NXPH2: variants seen among roughly 807,000 people sequenced by gnomAD.
The protein encoded by NXPH2 is neurexophilin-2.
A neutral mutation model predicts 19.8 loss-of-function variants in NXPH2; 5 were observed. That is an observed-to-expected ratio of 0.25 (90% confidence interval 0.13 to 0.53). NXPH2 has a LOEUF of 0.53. Among genes scored for constraint, NXPH2 ranks in the 20% least tolerant of loss-of-function variants. The pLI is 0.96. For synonymous variants in NXPH2, 154 were observed against 127.4 expected (o/e 1.21, Z -1.41); for missense variants, 289 against 322.8 (o/e 0.90, Z 0.80).
chr2:138,695,077 C>T (rs1680809556), intron 1 of NXPH2, among the ~76,000 whole-genome samples: 1 of 152,068 alleles, frequency 6.6e-6, no homozygotes, highest in Non-Finnish European at 1.5e-5. Flanking sequence ...CATTATAATC[C>T]TATAGGACAA....
chr2:138,734,749 T>C (rs1233579278), intron 1 of NXPH2, among the ~76,000 whole-genome samples: 1 of 152,160 alleles, frequency 6.6e-6, no homozygotes. Flanking sequence ...GAAACCAGAA[T>C]GATTCCCAAG....
At chr2:138,730,539 A>G (rs1009017879) in intron 1 of NXPH2, among the ~76,000 whole-genome samples, 1 of 152,134 alleles carries the variant, frequency 6.6e-6, no homozygotes, top group Non-Finnish European at 1.5e-5. Flanking sequence ...CTGCTTGATA[A>G]GAAATATAAC....
In NXPH2 at chr2:138,742,127, T is replaced by G. The variant is rs575016596; in HGVS notation, c.51+38064A>C. 2.6e-5 allele frequency among the ~76,000 whole-genome samples: 4 copies of G among 152,318 alleles called. No individual in the cohort carries two copies. The East Asian group carries it at 7.7e-4, about 29-fold the overall frequency. On this transcript the variant is annotated intron_variant, in intron 1 of 1. Coordinates refer to ENST00000272641, the MANE Select transcript of NXPH2 (RefSeq NM_007226.3). ...ACCAGGGTATTAATCCCAGGAATAA[T>G]GAGTCTTGGGCTCAGATACAGATTG...
chr2:138,776,616 G>GC (rs369688864), intron 1 of NXPH2, among the ~76,000 whole-genome samples: 2 of 140,146 alleles, frequency 1.4e-5, no homozygotes, highest in Non-Finnish European at 3.1e-5. Context: ...ATATAGTGGT[G>GC]TTTTTTTTTT....
At chr2:138,751,421 C>CTTTGT in intron 1 of NXPH2, among the ~76,000 whole-genome samples, 1 of 152,262 alleles carries the variant, frequency 6.6e-6, no homozygotes, top group Admixed American at 6.5e-5. Context: ...TCTCAAATAA[C>CTTTGT]TATGTGCTTT....
intron 1 of NXPH2, among the ~76,000 whole-genome samples, chr2:138,725,727 C>T (rs1036551297): frequency 5.3e-5 from 8 of 152,228 alleles, no homozygotes; most frequent in South Asian, 2.1e-4. Flanking sequence ...CATCTTCTGA[C>T]GGTGAATTAT....
At chr2:138,712,660 T>C (rs950442190) in intron 1 of NXPH2, among the ~76,000 whole-genome samples, 3 of 152,196 alleles carry the variant, frequency 2.0e-5, no homozygotes, top group Non-Finnish European at 4.4e-5. Flanking sequence ...AAGGCAATGC[T>C]TCCTTCCCCT....
rs1680400510 is a variant in NXPH2 at position 138,670,727 on chromosome 2, G to A, written c.*195C>T. ...AAACAGTTTAACTTTTTAGATAAAG[G>A]TACCTACGATAGAAAGAAACAAATT... On this transcript the variant is annotated 3_prime_UTR_variant, in exon 2 of 2. Coordinates refer to ENST00000272641, the MANE Select transcript of NXPH2 (RefSeq NM_007226.3). The A allele has an allele frequency of 2.0e-6, 1 of 511,434 alleles. No homozygotes were observed. Among genetic ancestry groups the A allele is most frequent in the Admixed American group, 3.7e-5 (1 of 26,926 alleles). 31.7% of individuals were successfully genotyped at this position (511,434 alleles called of 1,614,324 possible).
rs186508337 is a variant in NXPH2, at chr2:138,684,688, G to A, written c.52-13023C>T. 1.5e-4 allele frequency among the ~76,000 whole-genome samples: 23 copies of A among 152,270 alleles called. 1 individual carries two copies. Among genetic ancestry groups the A allele is most frequent in the African/African-American group, 5.5e-4 (23 of 41,562 alleles). ...TCCTGTTTCAGCATTTGCCATCCAA[G>A]TCCAGACCAGAAGGAACTGGGACTG... On this transcript the variant is annotated intron_variant, in intron 1 of 1. Transcript: ENST00000272641.
intron 1 of NXPH2, among the ~76,000 whole-genome samples, chr2:138,724,618 G>A (rs1188024907): frequency 2.0e-5 from 3 of 152,210 alleles, no homozygotes; most frequent in Non-Finnish European, 4.4e-5. Context: ...CAAAAGAATA[G>A]CCTCACAGGG....
chr2:138,760,380 A>G (rs1057211723), intron 1 of NXPH2, among the ~76,000 whole-genome samples: 4 of 152,198 alleles, frequency 2.6e-5, no homozygotes, highest in African/African-American at 4.8e-5. Flanking sequence ...AACAACAACA[A>G]CAAAAACCCC....
chr2:138,732,020 T>C (rs1240913335), intron 1 of NXPH2, among the ~76,000 whole-genome samples: 1 of 152,096 alleles, frequency 6.6e-6, no homozygotes, highest in Admixed American at 6.6e-5. Flanking sequence ...CAGGTGTGTA[T>C]GGATAAGTGG....
At chr2:138,671,722 C>G in intron 1 of NXPH2, 57 bp from the exon 2 acceptor site, 6 of 1,475,406 alleles carry the variant, frequency 4.1e-6, no homozygotes, top group Non-Finnish European at 5.4e-6. Flanking sequence ...ACTGCGCACT[C>G]AAACTGAAGT....
At chr2:138,742,288 G>A (rs1409543272) in intron 1 of NXPH2, among the ~76,000 whole-genome samples, 2 of 152,132 alleles carry the variant, frequency 1.3e-5, no homozygotes, top group African/African-American at 2.4e-5. Context: ...AGGAGTATGG[G>A]TTTCTTCTGG....
At chr2:138,690,424 C>T (rs554048990) in intron 1 of NXPH2, among the ~76,000 whole-genome samples, 4 of 152,222 alleles carry the variant, frequency 2.6e-5, no homozygotes, top group Admixed American at 1.3e-4. Flanking sequence ...CACTGTTCAC[C>T]CTCCTCAGTG....
intron 1 of NXPH2, among the ~76,000 whole-genome samples, chr2:138,673,167 G>C (rs1408563091): frequency 6.6e-6 from 1 of 152,074 alleles, no homozygotes; most frequent in African/African-American, 2.4e-5. Context: ...GAACAAATTG[G>C]TATGATGCAT....
chr2:138,722,654 G>A (rs1191812091), intron 1 of NXPH2, among the ~76,000 whole-genome samples: 2 of 152,194 alleles, frequency 1.3e-5, no homozygotes, highest in Non-Finnish European at 2.9e-5. Context: ...GTTGAACAAC[G>A]AAGAAGGCCC....
intron 1 of NXPH2, among the ~76,000 whole-genome samples, chr2:138,752,322 T>C (rs937051021): frequency 6.6e-6 from 1 of 152,116 alleles, no homozygotes; most frequent in East Asian, 1.9e-4. Context: ...GTAGAGTTCT[T>C]GGCACAAAAT....
At chr2:138,701,692 T>G (rs1259212744) in intron 1 of NXPH2, among the ~76,000 whole-genome samples, 1 of 152,190 alleles carries the variant, frequency 6.6e-6, no homozygotes, top group Non-Finnish European at 1.5e-5. Context: ...TTATATGATG[T>G]TGCTTTTTAA....
Sources: gnomAD v4.1 joint callset for allele counts (sites outside exome capture counted in the v4.1 genomes callset) on GRCh38, gnomAD v4.1.1 for gene constraint, MANE v1.5 for transcripts, NCBI Gene and HGNC (gene_info 2026-07-23, HGNC 2026-07-21) for gene names.